NPAS2: variants seen among roughly 807,000 people sequenced by gnomAD.
NPAS2 encodes neuronal PAS domain-containing protein 2.
A neutral mutation model predicts 107.5 loss-of-function variants in NPAS2; 23 were observed. The ratio of observed to expected loss-of-function variants is 0.21; its 90% confidence interval spans 0.15 to 0.30. NPAS2 has a LOEUF of 0.30. NPAS2 is among the 10% of genes least tolerant of loss of function. The probability of loss-of-function intolerance (pLI) is 1.00; values close to 1 mark genes in which losing one functional copy is unlikely to be tolerated. For synonymous variants in NPAS2, 403 were observed against 417.5 expected, an observed-to-expected ratio of 0.97 and a Z score of 0.42; for missense variants, 756 against 1,043.3, an observed-to-expected ratio of 0.72 and a Z score of 3.79.
intron 1 of NPAS2, among the ~76,000 whole-genome samples, chr2:100,833,164 T>C (rs1193206609): frequency 1.3e-5 from 2 of 152,204 alleles, no homozygotes; most frequent in African/African-American, 4.8e-5. Flanking sequence ...CATTTTTAAA[T>C]GGTGTAACGA....
intron 5 of NPAS2, among the ~76,000 whole-genome samples, chr2:100,942,178 C>T (rs1331644231): frequency 6.6e-6 from 1 of 152,138 alleles, no homozygotes; most frequent in Admixed American, 6.5e-5. Context: ...TGCTGGCTCG[C>T]CAGGTACAAG....
At chr2:100,905,207 C>T (rs778984194) in intron 2 of NPAS2, among the ~76,000 whole-genome samples, 127 of 152,210 alleles carry the variant, frequency 8.3e-4, no homozygotes, top group Middle Eastern at 3.4e-3. Context: ...TGATCATTGC[C>T]ACACAGTGAG....
intron 3 of NPAS2, among the ~76,000 whole-genome samples, chr2:100,929,052 T>C (rs1683767942): frequency 6.6e-6 from 1 of 152,198 alleles, no homozygotes; most frequent in Non-Finnish European, 1.5e-5. Flanking sequence ...TGCAGACACG[T>C]GCCACCACAC....
At position 100,993,683 on chromosome 2, in the gene NPAS2, T is replaced by C. The variant is rs1378961945; in HGVS notation, c.2292+156T>C. The C allele has an allele frequency of 9.9e-6, 6 of 604,442 alleles. No individual in the cohort carries two copies. In the Admixed American group the frequency reaches 2.2e-4, roughly 22 times the overall value. 37.4% of individuals were successfully genotyped at this position (604,442 alleles called of 1,614,324 possible). On this transcript the variant is annotated intron_variant, in intron 20 of 20. Coordinates refer to ENST00000335681, the MANE Select transcript of NPAS2 (RefSeq NM_002518.4). ...AGAAAGATTGTTATTTGATTGTTTT[T>C]CATGCTTAAAGTTTATGAAGTCTAT...
At chr2:100,993,582 C>T in intron 20 of NPAS2, 55 bp downstream of exon 20, 1 of 1,322,996 alleles carries the variant, frequency 7.6e-7, no homozygotes, top group Non-Finnish European at 1.0e-6. Flanking sequence ...GGGCCACGCT[C>T]CACACCCGAA....
chr2:100,973,853 AT>A (rs573799064), intron 12 of NPAS2, among the ~76,000 whole-genome samples: 270 of 152,076 alleles, frequency 1.8e-3, no homozygotes, highest in African/African-American at 6.2e-3. Context: ...GTTTATTATT[AT>A]TTTTTTAGAC....
intron 7 of NPAS2, among the ~76,000 whole-genome samples, chr2:100,953,128 C>A: frequency 7.4e-6 from 1 of 134,614 alleles, no homozygotes; most frequent in East Asian, 1.9e-4. Flanking sequence ...GTAATCCCAG[C>A]CCTTTGGGAG....
In NPAS2 at chr2:100,930,346, T is replaced by G. The variant is rs181662814; in HGVS notation, c.182-2564T>G. ...CAGCTGTGGAATTTCTGCTCCATTTTCCAGGCTTTTATTTGACCACATACA... is the reference window on the plus strand; with the variant it reads ...CAGCTGTGGAATTTCTGCTCCATTTGCCAGGCTTTTATTTGACCACATACA... On this transcript the variant is annotated intron_variant, in intron 3 of 20. Coordinates refer to ENST00000335681, the MANE Select transcript of NPAS2 (RefSeq NM_002518.4). 3.0e-4 allele frequency among the ~76,000 whole-genome samples: 45 copies of G among 152,314 alleles called. No homozygotes were observed. The East Asian group carries it at 8.7e-3, about 29-fold the overall frequency.
At chr2:100,917,150 G>T (rs77332795) in intron 2 of NPAS2, among the ~76,000 whole-genome samples, 1 of 151,942 alleles carries the variant, frequency 6.6e-6, no homozygotes, top group Non-Finnish European at 1.5e-5. Context: ...CAAGAAAGAT[G>T]GAAATTAGAT....
intron 15 of NPAS2, among the ~76,000 whole-genome samples, chr2:100,979,500 ATATTTTTTT>A (rs1448558750): frequency 3.2e-4 from 16 of 50,072 alleles, no homozygotes; most frequent in East Asian, 1.2e-3. Context: ...ATATATATAT[ATATTTTTTT>A]TTTTTTTTTT....
intron 1 of NPAS2, among the ~76,000 whole-genome samples, chr2:100,882,667 G>C (rs6733756): frequency 2.6e-5 from 4 of 152,206 alleles, no homozygotes; most frequent in Admixed American, 2.0e-4. Flanking sequence ...ACTTTATAAA[G>C]ACTGATTTCC....
In NPAS2 at chr2:100,976,188, C is replaced by T. The variant is rs6755634; in HGVS notation, c.1392+621C>T. 0.21 allele frequency among the ~76,000 whole-genome samples: 32,184 copies of T among 151,420 alleles called. 3,598 individuals carry two copies. Among genetic ancestry groups the T allele is most frequent in the East Asian group, 0.29 (1,506 of 5,120 alleles). ...ATGGCACTTCTCTGCTCCTTGGTGT[C>T]GGGGATCTCGTGGGCCTAGGCTATG... On this transcript the variant is annotated intron_variant, in intron 14 of 20. Coordinates refer to ENST00000335681, the MANE Select transcript of NPAS2 (RefSeq NM_002518.4). The surrounding 1 kb of genome is among the most constrained non-coding windows in gnomAD (Gnocchi z 4.1).
chr2:100,989,648 G>T (rs543403273), intron 17 of NPAS2: 1 of 152,276 alleles, frequency 6.6e-6, no homozygotes, highest in Non-Finnish European at 1.5e-5. Context: ...AGCTCCCTGC[G>T]TGCCAGGCAC....
At chr2:100,961,834 G>C (rs2105136784) in intron 7 of NPAS2, among the ~76,000 whole-genome samples, 1 of 152,352 alleles carries the variant, frequency 6.6e-6, no homozygotes, top group South Asian at 2.1e-4. Flanking sequence ...GCATCGTTTA[G>C]AGATAGATTA....
intron 2 of NPAS2, among the ~76,000 whole-genome samples, chr2:100,909,695 G>A (rs1436020594): frequency 5.9e-5 from 9 of 151,624 alleles, no homozygotes; most frequent in African/African-American, 2.2e-4. Context: ...TCCCACACGG[G>A]GGGAAAAAAT....
intron 7 of NPAS2, among the ~76,000 whole-genome samples, chr2:100,959,130 C>T (rs1675772377): frequency 6.8e-6 from 1 of 146,458 alleles, no homozygotes; most frequent in Non-Finnish European, 1.5e-5. Context: ...ATTAGCCAGG[C>T]ATGGTGGCTT....
upstream of NPAS2, among the ~76,000 whole-genome samples, chr2:100,819,707 C>T (rs1675936412): frequency 6.6e-6 from 1 of 151,692 alleles, no homozygotes; most frequent in South Asian, 2.1e-4. This position sits in a 1 kb window ranked among gnomAD's most constrained non-coding sequence, Gnocchi z 5.8. Flanking sequence ...CCTTGTTCCC[C>T]CCGAGTGACA....
At chr2:100,831,190 G>A (rs1318886177) in intron 1 of NPAS2, among the ~76,000 whole-genome samples, 1 of 152,132 alleles carries the variant, frequency 6.6e-6, no homozygotes, top group Non-Finnish European at 1.5e-5. Flanking sequence ...CAGCTACTCG[G>A]AAGGCTGAGG....
chr2:100,894,066 C>T (rs181927676), intron 1 of NPAS2, among the ~76,000 whole-genome samples: 31 of 152,272 alleles, frequency 2.0e-4, no homozygotes, highest in African/African-American at 6.5e-4. Context: ...GCGGATATGC[C>T]GTGACAAAAT....
Sources: gnomAD v4.1 joint callset for allele counts (sites outside exome capture counted in the v4.1 genomes callset) on GRCh38, gnomAD v4.1.1 for gene constraint, Gnocchi (gnomAD v3.1) non-coding constraint, MANE v1.5 for transcripts, NCBI Gene and HGNC (gene_info 2026-07-23, HGNC 2026-07-21) for gene names.